MDGA2: variants seen among roughly 807,000 people sequenced by gnomAD.
The protein encoded by MDGA2 is MAM domain-containing glycosylphosphatidylinositol anchor protein 2.
MDGA2 carries 40 observed loss-of-function variants against 117.8 expected under a neutral mutation model. That is an observed-to-expected ratio of 0.34 (90% confidence interval 0.26 to 0.44). The LOEUF (loss-of-function observed/expected upper bound fraction) is 0.44, where lower values mean the gene tolerates loss of function less well. Ranked by LOEUF, MDGA2 falls within the 20% of genes least tolerant of loss-of-function variation. The pLI, the probability that MDGA2 is intolerant of heterozygous loss-of-function variation, is 1.00. For synonymous variants in MDGA2, 452 were observed against 439.0 expected (o/e 1.03, Z -0.37); for missense variants, 1,123 against 1,250.6 (o/e 0.90, Z 1.54).
intron 1 of MDGA2, among the ~76,000 whole-genome samples, chr14:47,608,581 A>G (rs547015254): frequency 2.2e-4 from 34 of 152,278 alleles, no homozygotes; most frequent in Non-Finnish European, 7.4e-5. Flanking sequence ...GGAGATAGGC[A>G]CTGTAAAAAG....
chr14:46,955,737 T>C (rs1885540393), intron 9 of MDGA2, among the ~76,000 whole-genome samples: 1 of 152,056 alleles, frequency 6.6e-6, no homozygotes, highest in Non-Finnish European at 1.5e-5. Flanking sequence ...CATTTCGGTG[T>C]ATAGGTAGAT....
At chr14:46,862,371 G>A (rs940552537) in intron 14 of MDGA2, among the ~76,000 whole-genome samples, 3 of 149,996 alleles carry the variant, frequency 2.0e-5, no homozygotes, top group African/African-American at 7.3e-5. Context: ...GTTATTCATG[G>A]CATTATGCAA....
intron 1 of MDGA2, among the ~76,000 whole-genome samples, chr14:47,328,862 A>G (rs544109239): frequency 2.0e-5 from 3 of 152,238 alleles, no homozygotes; most frequent in African/African-American, 7.2e-5. Context: ...TGCGGAGAAT[A>G]TAAGTGTTTT....
In MDGA2 at chr14:47,318,818, G is replaced by GAAGGAAGC. The variant is rs113111469; in HGVS notation, c.281-17269_281-17268insGCTTCCTT. ...GGGGGAAAGGGAGGAAAGAAGGAAG[G>GAAGGAAGC]AAGGAAGGAAGGAAATAGAGAAGTT... On this transcript the variant is annotated intron_variant, in intron 1 of 16. Coordinates refer to ENST00000399232, the MANE Select transcript of MDGA2 (RefSeq NM_001113498.3). Among the ~76,000 whole-genome samples the GAAGGAAGC allele has an allele frequency of 3.7e-3, 556 of 151,676 alleles. 5 individuals are homozygous for GAAGGAAGC. The highest frequency in any genetic ancestry group is 0.013 in the African/African-American group (520 of 41,400).
intron 3 of MDGA2, among the ~76,000 whole-genome samples, chr14:47,216,121 G>A (rs1886078193): frequency 6.6e-6 from 1 of 152,052 alleles, no homozygotes. Context: ...TGAGCAGGTA[G>A]AAAGGAGAAG....
intron 3 of MDGA2, among the ~76,000 whole-genome samples, chr14:47,184,820 A>C (rs1208769823): frequency 6.6e-6 from 1 of 151,710 alleles, no homozygotes; most frequent in African/African-American, 2.4e-5. Context: ...ATATATCATG[A>C]AGGGAACTGA....
chr14:47,473,599 A>C (rs943345271), intron 1 of MDGA2, among the ~76,000 whole-genome samples: 7 of 152,164 alleles, frequency 4.6e-5, no homozygotes, highest in African/African-American at 1.7e-4. Flanking sequence ...GGGGACTGCA[A>C]AATAAAGAGT....
At chr14:47,400,466 A>G (rs987220537) in intron 1 of MDGA2, among the ~76,000 whole-genome samples, 8 of 152,092 alleles carry the variant, frequency 5.3e-5, no homozygotes, top group Non-Finnish European at 1.2e-4. Flanking sequence ...TCTACCAGTT[A>G]CATTTGTTTA....
At position 47,201,274 on chromosome 14, in the gene MDGA2, C is replaced by T. The variant is rs1054918916; in HGVS notation, c.595+16747G>A. Among the ~76,000 whole-genome samples the T allele has an allele frequency of 2.0e-5, 3 of 152,178 alleles. No individual in the cohort carries two copies. In the East Asian group the frequency reaches 5.8e-4, roughly 29 times the overall value. ...ATTTCAATATCCGCATCAATCCATC[C>T]TCACTAACTCCATATTCCCTAATAC... is the stretch of plus-strand genomic sequence containing the variant. On this transcript the variant is annotated intron_variant, in intron 3 of 16. Transcript: ENST00000399232.
In MDGA2 at chr14:47,061,290, A is replaced by G. The variant is rs1325701426; in HGVS notation, c.1484T>C (p.Ile495Thr). The G allele has an allele frequency of 8.1e-6, 13 of 1,613,320 alleles. 1 individual carries two copies. The highest frequency in any genetic ancestry group is 1.0e-5 in the Non-Finnish European group (12 of 1,179,542). Residue 495 changes from isoleucine (I) to threonine (T), a missense_variant, in exon 7 of 17, where the codon ATA becomes ACA. Physicochemically the swap from Ile to Thr is moderately conservative, Grantham distance 89 (BLOSUM62 -1). Coordinates refer to ENST00000399232, the MANE Select transcript of MDGA2 (RefSeq NM_001113498.3). ...ATTAACATCGATACTGATATCAGAT[A>G]TTCCTCCTCCCTTCAGAGATGCTAC... ...TCVASLKGGG[I>T]SDISIDVNIS...
chr14:46,895,136 C>A (rs994881441), intron 10 of MDGA2, among the ~76,000 whole-genome samples: 66 of 152,016 alleles, frequency 4.3e-4, no homozygotes, highest in Non-Finnish European at 1.5e-5. Flanking sequence ...GTGTCTCCAC[C>A]CAAATCTCAT....
chr14:47,287,204 G>T (rs1016746807), intron 2 of MDGA2, among the ~76,000 whole-genome samples: 1 of 151,900 alleles, frequency 6.6e-6, no homozygotes, highest in Non-Finnish European at 1.5e-5. Flanking sequence ...CCCAAACAGC[G>T]TCCTGTGATA....
intron 1 of MDGA2, among the ~76,000 whole-genome samples, chr14:47,430,830 C>T (rs1278951339): frequency 6.6e-6 from 1 of 152,020 alleles, no homozygotes; most frequent in Non-Finnish European, 1.5e-5. Flanking sequence ...AATACTGGTG[C>T]CACCAGTCTA....
In MDGA2 at chr14:47,181,850, T is replaced by G. The variant is rs907916891; in HGVS notation, c.595+36171A>C. ...TGAAATAAAAATTAAAAAGGCTATG[T>G]CCTAAACACAATTTTTCCATTAACT... is the stretch of plus-strand genomic sequence containing the variant. On this transcript the variant is annotated intron_variant, in intron 3 of 16. Transcript: ENST00000399232. Among the ~76,000 whole-genome samples, 15 of 152,284 alleles carry G rather than the reference T, an allele frequency of 9.9e-5. No individual in the cohort carries two copies. The East Asian group carries it at 2.1e-3, about 22-fold the overall frequency.
intron 3 of MDGA2, among the ~76,000 whole-genome samples, chr14:47,212,137 A>G (rs1363693294): frequency 1.3e-5 from 2 of 152,142 alleles, no homozygotes; most frequent in African/African-American, 2.4e-5. Flanking sequence ...TTTTATTCTA[A>G]AAAGTTTAGA....
intron 1 of MDGA2, among the ~76,000 whole-genome samples, chr14:47,561,356 TC>T (rs1269923282): frequency 1.3e-5 from 2 of 152,024 alleles, no homozygotes; most frequent in Non-Finnish European, 2.9e-5. Context: ...AATCTTCCCA[TC>T]CATGAGCATG....
chr14:47,430,381 G>T (rs1892775193), intron 1 of MDGA2, among the ~76,000 whole-genome samples: 1 of 152,008 alleles, frequency 6.6e-6, no homozygotes, highest in Non-Finnish European at 1.5e-5. Flanking sequence ...AGAATATCAA[G>T]ATTATGTCTG....
intron 1 of MDGA2, among the ~76,000 whole-genome samples, chr14:47,328,855 G>A (rs565868104): frequency 2.6e-4 from 39 of 152,054 alleles, no homozygotes; most frequent in Non-Finnish European, 4.7e-4. Flanking sequence ...TTAAGATTGC[G>A]GAGAATATAA....
chr14:46,872,364 G>C (rs1256550580), intron 14 of MDGA2, among the ~76,000 whole-genome samples: 1 of 151,790 alleles, frequency 6.6e-6, no homozygotes, highest in Non-Finnish European at 1.5e-5. Context: ...AACCCTCCCT[G>C]TGCTAATCTC....
Sources: gnomAD v4.1 joint callset for allele counts (sites outside exome capture counted in the v4.1 genomes callset) on GRCh38, gnomAD v4.1.1 for gene constraint, MANE v1.5 for transcripts, NCBI Gene and HGNC (gene_info 2026-07-23, HGNC 2026-07-21) for gene names.